CFTR: variants seen among roughly 807,000 people sequenced by gnomAD.
The protein encoded by CFTR is CF transmembrane conductance regulator.
A neutral mutation model predicts 171.6 loss-of-function variants in CFTR; 181 were observed. The observed-to-expected ratio is 1.05, with a 90% CI of 0.93 to 1.19. CFTR has a LOEUF of 1.19. Among genes scored for constraint, CFTR ranks in the 50% most tolerant of loss-of-function variants. CFTR has a pLI of 0.00. For missense variants in CFTR, 1,968 were observed against 1,734.7 expected, an observed-to-expected ratio of 1.13 and a Z score of -2.39; for synonymous variants, 583 against 608.0, an observed-to-expected ratio of 0.96 and a Z score of 0.60.
Position 117,664,708 on chromosome 7 carries a change from A to G in CFTR, c.3984A>G (p.Ile1328Met), listed in dbSNP as rs755917129. The G allele has an allele frequency of 1.2e-6, 2 of 1,613,856 alleles. No individual in the cohort carries two copies. The highest frequency in any genetic ancestry group is 2.7e-5 in the African/African-American group (2 of 74,914). ...TGCAGGTTGGGCTCAGATCTGTGAT[A>G]GAACAGTTTCCTGGGAAGCTTGACT... The part of the protein sequence containing the change: ...VADEVGLRSV[I>M]EQFPGKLDFV... The change falls in exon 25 of 27, where the codon ATA (isoleucine) becomes ATG (methionine). Residue 1328 changes from isoleucine to methionine, a missense_variant. Coordinates refer to ENST00000003084, the MANE Select transcript of CFTR (RefSeq NM_000492.4).
chr7:117,537,068 A>G (rs1798970608), intron 7 of CFTR, among the ~76,000 whole-genome samples: 2 of 152,190 alleles, frequency 1.3e-5, no homozygotes, highest in African/African-American at 4.8e-5. Flanking sequence ...ATCTTAATTT[A>G]TGTGTTATGG....
At chr7:117,611,473 A>G (rs1562914533) in intron 19 of CFTR, 108 bp from the exon 20 acceptor site, 5 of 756,278 alleles carry the variant, frequency 6.6e-6, no homozygotes, top group Non-Finnish European at 1.2e-5. Context: ...AACCAATGAC[A>G]TTTGTGATAT....
At chr7:117,619,492 A>G (rs1479767311) in intron 21 of CFTR, among the ~76,000 whole-genome samples, 2 of 152,130 alleles carry the variant, frequency 1.3e-5, no homozygotes, top group African/African-American at 4.8e-5. Flanking sequence ...CTAAAAGACT[A>G]CTTTTTGTCT....
intron 1 of CFTR, among the ~76,000 whole-genome samples, chr7:117,483,539 C>A (rs1798028773): frequency 6.6e-6 from 1 of 152,062 alleles, no homozygotes; most frequent in Admixed American, 6.5e-5. Context: ...AAATGCATTG[C>A]AAACTTTAAA....
chr7:117,610,433 A>G lies in CFTR; in HGVS notation c.2989-86A>G, dbSNP rs1230261261. The stretch of plus-strand genomic sequence containing the variant: ...GAGGTGTTTAAAGTATGCAAAAAAA[A>G]AAAAAGAAATAAATCACTGACACAC... On this transcript the variant is annotated intron_variant, in intron 18 of 26. Transcript: ENST00000003084. The G allele has an allele frequency of 4.7e-6, 6 of 1,283,910 alleles. No homozygotes were observed. In the African/African-American group the frequency reaches 9.0e-5, roughly 19 times the overall value. 79.5% of individuals were successfully genotyped at this position (1,283,910 alleles called of 1,614,324 possible). A position where few individuals can be genotyped will look rare whatever the true frequency, so the allele number is the denominator to read the frequency against.
chr7:117,616,558 T>G (rs559669036), intron 21 of CFTR, among the ~76,000 whole-genome samples: 1 of 152,290 alleles, frequency 6.6e-6, no homozygotes, highest in Admixed American at 6.5e-5. Context: ...CACATTGATG[T>G]CAAAACCTCT....
At chr7:117,654,927 G>C (rs746892875) in intron 24 of CFTR, among the ~76,000 whole-genome samples, 4 of 152,106 alleles carry the variant, frequency 2.6e-5, no homozygotes, top group African/African-American at 9.7e-5. Flanking sequence ...GATGGGAAAG[G>C]CAGCTTGGAA....
chr7:117,549,839 GAGGA>G (rs1416171135), intron 10 of CFTR, among the ~76,000 whole-genome samples: 10 of 152,174 alleles, frequency 6.6e-5, no homozygotes, highest in Middle Eastern at 3.4e-3. Flanking sequence ...AAGGAAGTAG[GAGGA>G]AGGAAGGAAG....
chr7:117,626,781 T>C (rs901278171), intron 21 of CFTR, among the ~76,000 whole-genome samples: 1 of 151,998 alleles, frequency 6.6e-6, no homozygotes, highest in Non-Finnish European at 1.5e-5. Context: ...AGATGTATGT[T>C]TTTTTTAAAA....
At position 117,617,954 on chromosome 7, in the gene CFTR, A is replaced by G. The variant is rs561532730; in HGVS notation, c.3468+3241A>G. On this transcript the variant is annotated intron_variant, in intron 21 of 26. Transcript: ENST00000003084. ...TTCATTTTATTTCCATCAGCCCCAT[A>G]ACTCAGGATCAACATCTTGCCAGAG... Among the ~76,000 whole-genome samples, 63 of 152,166 alleles carry G rather than the reference A, an allele frequency of 4.1e-4. 1 individual carries two copies. Among genetic ancestry groups the G allele is most frequent in the Admixed American group, 9.2e-4 (14 of 15,274 alleles).
intron 22 of CFTR, among the ~76,000 whole-genome samples, chr7:117,641,376 A>G (rs1792909414): frequency 1.3e-5 from 2 of 152,174 alleles, no homozygotes; most frequent in Non-Finnish European, 2.9e-5. Flanking sequence ...TTTTTATTAT[A>G]TATTTTTGAA....
intron 23 of CFTR, among the ~76,000 whole-genome samples, chr7:117,652,476 T>G (rs1354503022): frequency 6.6e-6 from 1 of 152,158 alleles, no homozygotes; most frequent in East Asian, 1.9e-4. Context: ...ACTCATAAAC[T>G]TATTGGGTTT....
chr7:117,595,711 C>A (rs544908958), intron 15 of CFTR, among the ~76,000 whole-genome samples: 3 of 151,560 alleles, frequency 2.0e-5, no homozygotes, highest in African/African-American at 7.3e-5. Context: ...AGTGAGACAC[C>A]GTATCTACAA....
chr7:117,541,942 G>A (rs1799058966), intron 8 of CFTR, 74 bp from the exon 9 acceptor site: 11 of 702,144 alleles, frequency 1.6e-5, no homozygotes, highest in South Asian at 1.4e-4. Context: ...CACAATGAGA[G>A]TATAAAGTAG....
At chr7:117,648,026 A>G (rs139990753) in intron 23 of CFTR, among the ~76,000 whole-genome samples, 2,183 of 143,472 alleles carry the variant, frequency 0.015, 36 homozygotes, top group African/African-American at 0.036. Flanking sequence ...GTGTGTGTGT[A>G]TATATATATA....
chr7:117,557,820 A>G lies in CFTR; in HGVS notation c.1393-1644A>G, dbSNP rs191466856. ...ACCTGAAGTCTTTTCCTCTTAATAGATGGGTTAAGCCAACTGAAAAATAAA... is the reference window on the plus strand; with the variant it reads ...ACCTGAAGTCTTTTCCTCTTAATAGGTGGGTTAAGCCAACTGAAAAATAAA... On this transcript the variant is annotated intron_variant, in intron 10 of 26. Transcript: ENST00000003084. Among the ~76,000 whole-genome samples the G allele has an allele frequency of 8.4e-4, 128 of 152,214 alleles. 1 individual carries two copies. The Middle Eastern group carries it at 0.01, about 12-fold the overall frequency.
At chr7:117,533,612 A>G (rs955447255) in intron 4 of CFTR, among the ~76,000 whole-genome samples, 2 of 152,152 alleles carry the variant, frequency 1.3e-5, no homozygotes, top group African/African-American at 2.4e-5. Context: ...TAGCAAATCA[A>G]TTCTTCAGTT....
chr7:117,614,455 A>C (rs999701643), intron 20 of CFTR, among the ~76,000 whole-genome samples, 158 bp from the exon 21 acceptor site: 1 of 152,184 alleles, frequency 6.6e-6, no homozygotes, highest in Non-Finnish European at 1.5e-5. Context: ...TTCTATTAGT[A>C]GATGCTGTGA....
rs560251912 is a variant in CFTR, at chr7:117,525,187, A to G, written c.274-5712A>G. ...GGCTATGTGAGATGAGAGAACTATA[A>G]TATTCCAGGTTTGTGATTAGTTTGG... On this transcript the variant is annotated intron_variant, in intron 3 of 26. Transcript: ENST00000003084. Among the ~76,000 whole-genome samples, 7 of 152,306 alleles carry G rather than the reference A, an allele frequency of 4.6e-5. No homozygotes were observed. The South Asian group carries it at 1.0e-3, about 23-fold the overall frequency.
Sources: allele counts gnomAD v4.1 joint callset (sites outside exome capture counted in the v4.1 genomes callset), GRCh38; gene constraint gnomAD v4.1.1; transcripts MANE v1.5; gene names NCBI Gene and HGNC (gene_info 2026-07-23, HGNC 2026-07-21).